ITPR2: variants seen among roughly 807,000 people sequenced by gnomAD.
ITPR2 encodes inositol 1,4,5-trisphosphate receptor type 2.
In ITPR2, 207 loss-of-function variants were observed where a neutral mutation model predicts 317.1. That is an observed-to-expected ratio of 0.65 (90% CI 0.58 to 0.73). The LOEUF is 0.73. Ranked by LOEUF, ITPR2 falls within the 30% of genes least tolerant of loss-of-function variation. The probability of loss-of-function intolerance (pLI) is 0.00; values close to 1 mark genes in which losing one functional copy is unlikely to be tolerated. For synonymous variants in ITPR2, 1,156 were observed against 1,149.1 expected (o/e 1.01, Z -0.12); for missense variants, 2,613 against 3,284.0 (o/e 0.80, Z 4.99).
Position 26,722,475 on chromosome 12 carries a change from C to T in ITPR2, c.447G>A (p.Val149=), listed in dbSNP as rs1433105131. 1 of 1,613,212 alleles carries T rather than the reference C, an allele frequency of 6.2e-7. No individual in the cohort carries two copies. The highest frequency in any genetic ancestry group is 8.5e-7 in the Non-Finnish European group (1 of 1,179,414). ...PALLEKNAMR[V]SLDAAGNEGS... is the part of the protein sequence containing the mutation. ...CTTCATTTCCTGCAGCATCCAAGGA[C>T]ACACGCATGGCATTCTTCTCCAGTA... Residue 149 remains valine (V), a synonymous_variant, in exon 5 of 57, where the codon GTG becomes GTA. Coordinates refer to ENST00000381340, the MANE Select transcript of ITPR2 (RefSeq NM_002223.4).
chr12:26,759,026 G>A (rs994503480), intron 2 of ITPR2, among the ~76,000 whole-genome samples: 2 of 152,102 alleles, frequency 1.3e-5, no homozygotes, highest in Non-Finnish European at 2.9e-5. Flanking sequence ...AGCAGAAACA[G>A]TACCCATATT....
rs1189517652 is a variant in ITPR2, at chr12:26,762,612, T to A, written c.163+27545A>T. 7.9e-5 allele frequency among the ~76,000 whole-genome samples: 12 copies of A among 152,212 alleles called. No homozygotes were observed. In the South Asian group the frequency reaches 2.3e-3, roughly 29 times the overall value. On this transcript the variant is annotated intron_variant, in intron 2 of 56. Coordinates refer to ENST00000381340, the MANE Select transcript of ITPR2 (RefSeq NM_002223.4). Reference sequence around the variant, plus strand: ...AGTGAAAGGACACTAATTAACAACATGAAAACATGTAGAAGTATAAAATTC... The same window carrying A: ...AGTGAAAGGACACTAATTAACAACAAGAAAACATGTAGAAGTATAAAATTC...
At chr12:26,590,285 C>G (rs1000386907) in intron 32 of ITPR2, among the ~76,000 whole-genome samples, 4 of 152,152 alleles carry the variant, frequency 2.6e-5, no homozygotes, top group African/African-American at 9.7e-5. Context: ...CAAAATAGGT[C>G]ACTAGCAAGA....
intron 2 of ITPR2, among the ~76,000 whole-genome samples, chr12:26,734,282 T>G (rs976855563): frequency 2.6e-5 from 4 of 152,176 alleles, no homozygotes; most frequent in African/African-American, 9.7e-5. Flanking sequence ...TTCATGAAAT[T>G]AAAACTTTAA....
chr12:26,453,846 T>C (rs2136765067), intron 45 of ITPR2, among the ~76,000 whole-genome samples: 1 of 152,334 alleles, frequency 6.6e-6, no homozygotes, highest in East Asian at 1.9e-4. Context: ...ATTCAGATAA[T>C]ATGCGAGTAT....
chr12:26,691,996 C>T (rs1410388619), intron 10 of ITPR2, among the ~76,000 whole-genome samples: 1 of 152,032 alleles, frequency 6.6e-6, no homozygotes, highest in Non-Finnish European at 1.5e-5. Context: ...CTGATAGAAC[C>T]TTTGTTTCTG....
At chr12:26,494,450 A>AT (rs1942886222) in intron 38 of ITPR2, 110 bp from the exon 39 acceptor site, 9 of 728,348 alleles carry the variant, frequency 1.2e-5, no homozygotes, top group South Asian at 2.6e-5. Flanking sequence ...AATCATTGAG[A>AT]TTTTTTCCCT....
At chr12:26,435,109 T>C (rs2136717365) in intron 48 of ITPR2, among the ~76,000 whole-genome samples, 1 of 152,290 alleles carries the variant, frequency 6.6e-6, no homozygotes, top group African/African-American at 2.4e-5. Flanking sequence ...ACTACTCAGA[T>C]TACAGCTAAA....
intron 1 of ITPR2, among the ~76,000 whole-genome samples, chr12:26,795,946 T>TGCACCCCA (rs1490781250): frequency 7.2e-6 from 1 of 138,628 alleles, no homozygotes. Flanking sequence ...ATCACGCCAC[T>TGCACCCCA]GCACCCCAGC....
chr12:26,446,738 A>AAAT (rs1472137264), intron 45 of ITPR2, among the ~76,000 whole-genome samples: 1 of 150,970 alleles, frequency 6.6e-6, no homozygotes, highest in Non-Finnish European at 1.5e-5. Flanking sequence ...GACTCAAAAA[A>AAAT]AAAAAAAAAA....
At chr12:26,743,839 C>G (rs904377840) in intron 2 of ITPR2, among the ~76,000 whole-genome samples, 1 of 152,102 alleles carries the variant, frequency 6.6e-6, no homozygotes, top group Non-Finnish European at 1.5e-5. Context: ...TGAGGTGAGC[C>G]GAGATTGTGC....
At chr12:26,563,903 C>A (rs1291941299) in intron 34 of ITPR2, among the ~76,000 whole-genome samples, 3 of 152,132 alleles carry the variant, frequency 2.0e-5, no homozygotes, top group Non-Finnish European at 4.4e-5. Context: ...GAACACACCA[C>A]CTAGGATCAC....
chr12:26,357,251 A>C (rs1366909168), intron 55 of ITPR2, among the ~76,000 whole-genome samples: 3 of 152,138 alleles, frequency 2.0e-5, no homozygotes, highest in African/African-American at 7.2e-5. Flanking sequence ...TGGAAAGGGA[A>C]GGAAGGATGC....
chr12:26,828,130 G>A (rs1333578152), intron 1 of ITPR2, among the ~76,000 whole-genome samples: 1 of 152,172 alleles, frequency 6.6e-6, no homozygotes, highest in African/African-American at 2.4e-5. Context: ...ATAGGAACAA[G>A]GCCATATGGC....
At chr12:26,709,847 G>T (rs1168614895) in intron 9 of ITPR2, among the ~76,000 whole-genome samples, 2 of 152,098 alleles carry the variant, frequency 1.3e-5, no homozygotes, top group African/African-American at 4.8e-5. Context: ...AAACATTTAC[G>T]CTATAAACAG....
intron 2 of ITPR2, among the ~76,000 whole-genome samples, chr12:26,740,347 G>T (rs1205171130): frequency 6.6e-6 from 1 of 152,172 alleles, no homozygotes. Context: ...TAAAATCCGT[G>T]AGCTCATAAT....
At chr12:26,341,630 C>T (rs550480427) in intron 55 of ITPR2, among the ~76,000 whole-genome samples, 1 of 152,230 alleles carries the variant, frequency 6.6e-6, no homozygotes, top group Non-Finnish European at 1.5e-5. Flanking sequence ...ATTTAAACAG[C>T]TGTAGCTAAT....
chr12:26,534,988 G>A (rs1170041871), intron 37 of ITPR2, among the ~76,000 whole-genome samples: 1 of 152,154 alleles, frequency 6.6e-6, no homozygotes, highest in Non-Finnish European at 1.5e-5. Flanking sequence ...GGTGACTATG[G>A]TTAACTCTAC....
intron 15 of ITPR2, 148 bp downstream of exon 15, chr12:26,663,537 A>G: frequency 2.6e-6 from 2 of 762,552 alleles, no homozygotes; most frequent in Non-Finnish European, 4.2e-6. Context: ...AAATACTTAC[A>G]AATCATTTTT....
Sources: allele counts gnomAD v4.1 joint callset (sites outside exome capture counted in the v4.1 genomes callset), GRCh38; gene constraint gnomAD v4.1.1; transcripts MANE v1.5; gene names NCBI Gene and HGNC (gene_info 2026-07-23, HGNC 2026-07-21).